The following SCOC variants were observed in gnomAD, a reference collection of about 807,000 sequenced individuals.
The protein encoded by SCOC is short coiled coil protein.
Under a neutral mutation model 9.9 loss-of-function variants are expected in SCOC, and 7 were observed. The observed-to-expected ratio is 0.71, with a 90% CI of 0.40 to 1.33. SCOC has a LOEUF of 1.33. SCOC is among the 40% of genes most tolerant of loss of function. The pLI is 0.01. For synonymous variants in SCOC, 19 were observed against 28.2 expected, an observed-to-expected ratio of 0.67 and a Z score of 1.03; for missense variants, 66 against 89.7, an observed-to-expected ratio of 0.74 and a Z score of 1.07.
intron 1 of SCOC, among the ~76,000 whole-genome samples, chr4:140,298,204 C>T (rs1015176669): frequency 4.6e-5 from 7 of 152,198 alleles, no homozygotes; most frequent in South Asian, 2.1e-4. Context: ...GCTGCTGAGT[C>T]GTCCCTGGTT....
intron 2 of SCOC, chr4:140,366,593 G>A (rs1432840179): frequency 5.0e-6 from 8 of 1,605,172 alleles, no homozygotes; most frequent in Admixed American, 3.3e-5. Flanking sequence ...TTGGCCCATC[G>A]TGTGGCTGCC....
chr4:140,373,117 T>C (rs1255166297), upstream of SCOC: 1 of 314,032 alleles, frequency 3.2e-6, no homozygotes, highest in Non-Finnish European at 5.1e-6. Context: ...AGCTCAACTA[T>C]AAGCTTTCCG....
upstream of SCOC, among the ~76,000 whole-genome samples, chr4:140,341,832 T>C (rs1437357082): frequency 6.6e-6 from 1 of 152,036 alleles, no homozygotes; most frequent in Non-Finnish European, 1.5e-5. Flanking sequence ...CTAAGGGAGG[T>C]CATTTCTGGG....
At chr4:140,380,758 T>C (rs1012557936) in intron 3 of SCOC, among the ~76,000 whole-genome samples, 2 of 152,208 alleles carry the variant, frequency 1.3e-5, no homozygotes, top group Non-Finnish European at 1.5e-5. Flanking sequence ...TTATGAAGAA[T>C]AGCATTTAGT....
chr4:140,373,962 C>A, intron 1 of SCOC: 1 of 673,804 alleles, frequency 1.5e-6, no homozygotes, highest in Non-Finnish European at 2.7e-6. Context: ...GGGAGAGGGA[C>A]CTCTCGCGGT....
intron 1 of SCOC, among the ~76,000 whole-genome samples, chr4:140,378,558 C>A (rs1431604005): frequency 6.6e-6 from 1 of 151,976 alleles, no homozygotes; most frequent in African/African-American, 2.4e-5. Flanking sequence ...GCAAGACCCT[C>A]ATTTCTAAAT....
At chr4:140,296,014 C>A (rs1197634888) in intron 1 of SCOC, among the ~76,000 whole-genome samples, 2 of 150,454 alleles carry the variant, frequency 1.3e-5, no homozygotes, top group African/African-American at 2.4e-5. Flanking sequence ...GGGTCCCTGT[C>A]ACAGACCTAT....
intron 2 of SCOC, among the ~76,000 whole-genome samples, chr4:140,358,200 T>A (rs1727315496): frequency 6.6e-6 from 1 of 152,234 alleles, no homozygotes; most frequent in South Asian, 2.1e-4. Flanking sequence ...TTTACCTTTA[T>A]TATTTTAAGT....
At chr4:140,297,944 T>A (rs1731700204) in intron 1 of SCOC, among the ~76,000 whole-genome samples, 1 of 152,204 alleles carries the variant, frequency 6.6e-6, no homozygotes, top group Non-Finnish European at 1.5e-5. Context: ...ACATAATTCT[T>A]TGTTTCCCTT....
At chr4:140,323,205 G>A (rs1473883928) in intron 1 of SCOC, among the ~76,000 whole-genome samples, 1 of 152,054 alleles carries the variant, frequency 6.6e-6, no homozygotes, top group East Asian at 1.9e-4. Context: ...GAGTTCACAT[G>A]AGATCTTGTT....
chr4:140,279,683 T>G (rs1198747961), intron 1 of SCOC, among the ~76,000 whole-genome samples: 1 of 152,214 alleles, frequency 6.6e-6, no homozygotes, highest in Admixed American at 6.5e-5. Flanking sequence ...ACTGTGCTGT[T>G]CTCCCGTGAT....
intron 1 of SCOC, among the ~76,000 whole-genome samples, chr4:140,287,437 T>A (rs1162311228): frequency 6.9e-6 from 1 of 144,436 alleles, no homozygotes; most frequent in Non-Finnish European, 1.5e-5. Context: ...ACCATGCACA[T>A]ACATATACCA....
intron 1 of SCOC, among the ~76,000 whole-genome samples, chr4:140,265,228 A>G (rs1365176672): frequency 1.3e-5 from 2 of 152,214 alleles, no homozygotes. Context: ...TAAGCTCAGC[A>G]TAATCATAAT....
rs538006426 is a variant in SCOC at position 140,266,734 on chromosome 4, A to C, written c.-19+9324A>C. ...CATTAAGTCTTTCAAAATTTAATCT[A>C]TAATTACGCTGTATTCAGAAATGTG... On this transcript the variant is annotated intron_variant, in intron 1 of 4. Transcript: ENST00000394205. Among the ~76,000 whole-genome samples the C allele has an allele frequency of 5.3e-5, 8 of 152,322 alleles. No individual in the cohort carries two copies. The South Asian group carries it at 8.3e-4, about 16-fold the overall frequency.
upstream of SCOC, among the ~76,000 whole-genome samples, chr4:140,372,244 A>G (rs775609797): frequency 1.3e-5 from 2 of 152,242 alleles, no homozygotes; most frequent in African/African-American, 2.4e-5. Context: ...AAAAATGGTT[A>G]AGATGGTAAA....
intron 1 of SCOC, among the ~76,000 whole-genome samples, chr4:140,271,353 C>T (rs17378297): frequency 0.029 from 4,413 of 152,302 alleles, 98 homozygotes; most frequent in Non-Finnish European, 0.042. Context: ...CTGATGAAAA[C>T]ACCAAGTGTT....
At chr4:140,366,740 G>A (rs1727815594) in intron 2 of SCOC, 1 of 1,566,140 alleles carries the variant, frequency 6.4e-7, no homozygotes, top group Non-Finnish European at 8.8e-7. Context: ...TGAGTGCAAG[G>A]TCCATCAACC....
At chr4:140,260,637 G>C (rs1305225442) in intron 1 of SCOC, among the ~76,000 whole-genome samples, 1 of 152,162 alleles carries the variant, frequency 6.6e-6, no homozygotes, top group Non-Finnish European at 1.5e-5. Context: ...AAATTTTAGT[G>C]TACTCAAATT....
At chr4:140,270,996 T>A (rs1730832408) in intron 1 of SCOC, among the ~76,000 whole-genome samples, 1 of 152,200 alleles carries the variant, frequency 6.6e-6, no homozygotes, top group Admixed American at 6.5e-5. Context: ...AATGTGCTAT[T>A]CTGTTCTTCA....
Sources: gnomAD v4.1 joint callset for allele counts (sites outside exome capture counted in the v4.1 genomes callset) on GRCh38, gnomAD v4.1.1 for gene constraint, MANE v1.5 for transcripts, NCBI Gene and HGNC (gene_info 2026-07-23, HGNC 2026-07-21) for gene names.